The following RBFOX1 variants were observed in gnomAD, a reference collection of about 807,000 sequenced individuals.
RBFOX1 encodes the protein RNA binding protein fox-1 homolog 1.
In RBFOX1, 8 loss-of-function variants were observed where a neutral mutation model predicts 57.7. The observed-to-expected ratio is 0.14, with a 90% CI of 0.08 to 0.25. The LOEUF (loss-of-function observed/expected upper bound fraction) is 0.25. Among genes scored for constraint, RBFOX1 ranks in the 10% least tolerant of loss-of-function variants. RBFOX1 has a pLI of 1.00. For synonymous variants in RBFOX1, 326 were observed against 222.4 expected (o/e 1.47, Z -4.15); for missense variants, 611 against 548.5 (o/e 1.11, Z -1.14).
intron 1 of RBFOX1, among the ~76,000 whole-genome samples, chr16:6,209,945 T>G (rs2097282041): frequency 6.6e-6 from 1 of 152,196 alleles, no homozygotes. Context: ...TGTATTTCTG[T>G]CTCTAGACTT....
intron 10 of RBFOX1, among the ~76,000 whole-genome samples, chr16:7,620,907 G>A (rs1419847771): frequency 6.6e-6 from 1 of 152,128 alleles, no homozygotes; most frequent in Non-Finnish European, 1.5e-5. Context: ...TATAGCACCT[G>A]AAACCTAGGG....
intron 3 of RBFOX1, among the ~76,000 whole-genome samples, chr16:6,958,177 G>A (rs975955916): frequency 1.3e-5 from 2 of 152,100 alleles, no homozygotes; most frequent in African/African-American, 4.8e-5. Flanking sequence ...AATATGGGAG[G>A]GCTGCAAAAG....
chr16:6,451,762 C>G (rs879512674), intron 2 of RBFOX1, among the ~76,000 whole-genome samples: 2 of 152,206 alleles, frequency 1.3e-5, no homozygotes, highest in African/African-American at 2.4e-5. Flanking sequence ...TTATGAGCAA[C>G]TTTTGGCCCT....
chr16:6,517,075 G>A (rs1042450381), intron 2 of RBFOX1, among the ~76,000 whole-genome samples: 1 of 152,138 alleles, frequency 6.6e-6, no homozygotes, highest in Non-Finnish European at 1.5e-5. Context: ...AGAGGTGGAA[G>A]GCATGTCCAA....
At chr16:7,251,287 C>A (rs2094490900) in intron 4 of RBFOX1, among the ~76,000 whole-genome samples, 2 of 152,014 alleles carry the variant, frequency 1.3e-5, no homozygotes, top group Admixed American at 1.3e-4. Flanking sequence ...CTGTGTGTGG[C>A]TTATTTCACT....
intron 4 of RBFOX1, among the ~76,000 whole-genome samples, chr16:7,267,577 G>A (rs1007232133): frequency 2.0e-5 from 3 of 150,580 alleles, no homozygotes; most frequent in South Asian, 2.1e-4. Context: ...ATGGGAAGCC[G>A]AGCACGATGG....
At chr16:7,083,077 G>A (rs1306751562) in intron 4 of RBFOX1, among the ~76,000 whole-genome samples, 1 of 152,038 alleles carries the variant, frequency 6.6e-6, no homozygotes, top group African/African-American at 2.4e-5. Flanking sequence ...AATAGAAAAT[G>A]TCACTCTGCT....
intron 2 of RBFOX1, among the ~76,000 whole-genome samples, chr16:6,503,131 G>T (rs1003087927): frequency 6.6e-6 from 1 of 152,114 alleles, no homozygotes; most frequent in South Asian, 2.1e-4. Flanking sequence ...TCAAAGAAAG[G>T]ATGCTGAGAC....
In RBFOX1 at chr16:7,230,224, C is replaced by G. The variant is rs73543054; in HGVS notation, c.27+178126C>G. On this transcript the variant is annotated intron_variant, in intron 4 of 15. Transcript: ENST00000550418. ...TGTATATGTCAGTCACTGTGGAAGA[C>G]ATTTGGGAAATGATGACTAGTAAAA... Among the ~76,000 whole-genome samples, 1,142 of 151,892 alleles carry G rather than the reference C, an allele frequency of 7.5e-3. 19 individuals are homozygous for G. The highest frequency in any genetic ancestry group is 0.026 in the African/African-American group (1,077 of 41,350).
intron 2 of RBFOX1, among the ~76,000 whole-genome samples, chr16:5,520,301 A>G (rs1428974222): frequency 6.6e-6 from 1 of 152,226 alleles, no homozygotes; most frequent in Non-Finnish European, 1.5e-5. Flanking sequence ...TTCAGGTAGT[A>G]GGAATCTCAG....
chr16:5,426,034 C>G (rs571294961), intron 1 of RBFOX1, among the ~76,000 whole-genome samples: 1 of 152,134 alleles, frequency 6.6e-6, no homozygotes, highest in Non-Finnish European at 1.5e-5. Context: ...GGCATGGAAA[C>G]GGAACCCAAA....
intron 4 of RBFOX1, among the ~76,000 whole-genome samples, chr16:7,258,657 C>A (rs944415038): frequency 2.0e-5 from 3 of 152,084 alleles, no homozygotes; most frequent in Admixed American, 6.6e-5. Context: ...ATTTTACTAA[C>A]ATGATGGCTG....
chr16:7,260,319 G>T (rs559378217), intron 4 of RBFOX1, among the ~76,000 whole-genome samples: 125 of 152,256 alleles, frequency 8.2e-4, no homozygotes, highest in Non-Finnish European at 1.6e-3. Flanking sequence ...ATTAACAGGT[G>T]AAATAATACA....
intron 4 of RBFOX1, among the ~76,000 whole-genome samples, chr16:7,244,265 A>AG (rs1473747717): frequency 2.0e-4 from 31 of 151,434 alleles, no homozygotes; most frequent in Middle Eastern, 3.4e-3. Context: ...AAAAAAAAAA[A>AG]AAAAAACACC....
chr16:6,804,330 A>T (rs1032212774), intron 3 of RBFOX1, among the ~76,000 whole-genome samples: 1 of 152,142 alleles, frequency 6.6e-6, no homozygotes. Flanking sequence ...TTTTAACTCC[A>T]GGGTAAATTG....
chr16:6,339,009 TG>T (rs2084153377), intron 2 of RBFOX1, among the ~76,000 whole-genome samples: 1 of 152,184 alleles, frequency 6.6e-6, no homozygotes, highest in Non-Finnish European at 1.5e-5. Flanking sequence ...TCCAGTAGCC[TG>T]GGGCAGACTT....
At chr16:7,450,436 G>T (rs1301116386) in intron 4 of RBFOX1, among the ~76,000 whole-genome samples, 3 of 143,492 alleles carry the variant, frequency 2.1e-5, no homozygotes, top group East Asian at 2.1e-4. Flanking sequence ...CAGAAAGCAA[G>T]TTCAAAAAGG....
rs529197707 is a variant in RBFOX1, at chr16:7,106,984, A to AAACAC, written c.27+54887_27+54888insACACA. On this transcript the variant is annotated intron_variant, in intron 4 of 15. Coordinates refer to ENST00000550418, the MANE Select transcript of RBFOX1 (RefSeq NM_018723.4). Reference sequence around the variant, plus strand: ...ATTCCCATGTAAGCCACACAGTTAAAACACACACACACACACACACACACT... The same window carrying AAACAC: ...ATTCCCATGTAAGCCACACAGTTAAAAACACACACACACACACACACACACACACT... Among the ~76,000 whole-genome samples the AAACAC allele has an allele frequency of 2.4e-3, 357 of 148,630 alleles. 1 individual carries two copies. Among genetic ancestry groups the AAACAC allele is most frequent in the South Asian group, 0.014 (64 of 4,594 alleles).
At chr16:7,144,413 T>TCTA (rs920095240) in intron 4 of RBFOX1, among the ~76,000 whole-genome samples, 1 of 48,582 alleles carries the variant, frequency 2.1e-5, no homozygotes, top group African/African-American at 7.2e-5. Flanking sequence ...TCTTTTTCTT[T>TCTA]CTTCTTTTTT....
Sources: gnomAD v4.1 joint callset for allele counts (sites outside exome capture counted in the v4.1 genomes callset) on GRCh38, gnomAD v4.1.1 for gene constraint, MANE v1.5 for transcripts, NCBI Gene and HGNC (gene_info 2026-07-23, HGNC 2026-07-21) for gene names.